The following PLIN5 variants were observed in gnomAD, a reference collection of about 807,000 sequenced individuals.
The protein encoded by PLIN5 is perilipin-5.
In PLIN5, 34 loss-of-function variants were observed where a neutral mutation model predicts 32.8. That is an observed-to-expected ratio of 1.04 (90% confidence interval 0.79 to 1.38). The LOEUF (loss-of-function observed/expected upper bound fraction) is 1.38. Among genes scored for constraint, PLIN5 ranks in the 40% most tolerant of loss-of-function variants. The pLI, the probability that PLIN5 is intolerant of heterozygous loss-of-function variation, is 0.00. For missense variants in PLIN5, 712 were observed against 660.5 expected (o/e 1.08, Z -0.85); for synonymous variants, 309 against 292.9 (o/e 1.05, Z -0.56).
intron 3 of PLIN5, among the ~76,000 whole-genome samples, chr19:4,531,304 TAAA>T (rs78981214): frequency 2.0e-5 from 3 of 149,732 alleles, no homozygotes; most frequent in African/African-American, 7.5e-5. Context: ...CAGCCAGATT[TAAA>T]AAAAAAATTT....
intron 7 of PLIN5, 84 bp from the exon 8 acceptor site, chr19:4,524,169 G>C: frequency 7.6e-7 from 1 of 1,312,640 alleles, no homozygotes; most frequent in East Asian, 3.0e-5. Context: ...TGGACCCACA[G>C]TGGAGCTGTC....
rs1386580458 is a variant in PLIN5 at position 4,531,794 on chromosome 19, G to A, written c.89C>T (p.Pro30Leu). The change falls in exon 3 of 8, where the codon CCC becomes CTC. Residue 30 changes from proline to leucine, a missense_variant. Physicochemically the swap from Pro to Leu is moderately conservative, Grantham distance 98. Coordinates refer to ENST00000381848, the MANE Select transcript of PLIN5 (RefSeq NM_001013706.3). ...CGCGGTGCACGTGGCCCTGACCAGG[G>A]GCAGAGCCACCACACGCTGCACCAC... The part of the protein sequence containing the change: ...QNVVQRVVAL[P>L]LVRATCTAVC... The A allele has an allele frequency of 6.3e-7, 1 of 1,580,208 alleles. No individual in the cohort carries two copies. Among genetic ancestry groups the A allele is most frequent in the East Asian group, 2.3e-5 (1 of 43,578 alleles).
intron 5 of PLIN5, among the ~76,000 whole-genome samples, chr19:4,526,857 C>CA (rs141886356): frequency 0.11 from 14,674 of 138,828 alleles, 1,248 homozygotes; most frequent in African/African-American, 0.22. Flanking sequence ...GACTCCATCT[C>CA]AAAAAAAAAT....
intron 3 of PLIN5, 31 bp from the exon 4 acceptor site, chr19:4,529,897 G>T (rs763719467): frequency 1.3e-6 from 2 of 1,484,228 alleles, no homozygotes; most frequent in Non-Finnish European, 1.9e-6. Context: ...AGTGAGACTC[G>T]GGGAGACGCA....
intron 7 of PLIN5, 53 bp downstream of exon 7, chr19:4,524,910 C>T (rs1190330965): frequency 1.4e-6 from 2 of 1,457,944 alleles, no homozygotes; most frequent in East Asian, 2.7e-5. Flanking sequence ...TCCCCCTCTT[C>T]CTCCGCGGCC....
chr19:4,531,756 A>G lies in PLIN5; in HGVS notation c.127T>C (p.Tyr43His). ...GGGTGCCTGTCCTTGGCTGCACTGT[A>G]AACATCGCAGACCGCGGTGCACGTG... ...RATCTAVCDVYSAAKDRHPLL... is the reference protein window; with the variant it reads ...RATCTAVCDVHSAAKDRHPLL... The change falls in exon 3 of 8, where the codon TAC becomes CAC. Residue 43 changes from tyrosine to histidine, a missense_variant. Tyr to His is a moderately conservative substitution (Grantham distance 83). Coordinates refer to ENST00000381848, the MANE Select transcript of PLIN5 (RefSeq NM_001013706.3). The G allele has an allele frequency of 1.9e-6, 3 of 1,601,354 alleles. No individual in the cohort carries two copies. Among genetic ancestry groups the G allele is most frequent in the Non-Finnish European group, 2.6e-6 (3 of 1,176,316 alleles).
chr19:4,527,029 GA>G (rs1381626341), intron 5 of PLIN5, among the ~76,000 whole-genome samples: 2 of 152,082 alleles, frequency 1.3e-5, no homozygotes, highest in South Asian at 2.1e-4. Context: ...TTGAGCCCAG[GA>G]GTTGGAGACC....
chr19:4,529,619 AC>A, intron 4 of PLIN5, 164 bp downstream of exon 4: 1 of 186,824 alleles, frequency 5.4e-6, no homozygotes, highest in East Asian at 1.1e-4. Context: ...ATACACACAC[AC>A]ACACACACAC....
At chr19:4,533,165 G>C (rs879825487) in intron 2 of PLIN5, 1 of 149,988 alleles carries the variant, frequency 6.7e-6, no homozygotes, top group East Asian at 1.9e-4. Context: ...GCGTGATCTC[G>C]GCTCACTGCA....
chr19:4,523,290 G>A lies in PLIN5; in HGVS notation c.*238C>T. On this transcript the variant is annotated 3_prime_UTR_variant, in exon 8 of 8. Transcript: ENST00000381848. The surrounding 1 kb of genome is among the most constrained non-coding windows in gnomAD (Gnocchi z 5.0). ...AGGACATAGGTGAAGAACCCAGCTT[G>A]TGGCTCAAGTTGGCCTGAATAGGGT... 2.2e-6 allele frequency: 1 copy of A among 455,358 alleles called. No homozygotes were observed. The highest frequency in any genetic ancestry group is 4.2e-5 in the Admixed American group (1 of 23,558). 28.2% of individuals were successfully genotyped at this position (455,358 alleles called of 1,614,324 possible).
At chr19:4,524,888 G>T in intron 7 of PLIN5, 75 bp downstream of exon 7, 1 of 1,297,530 alleles carries the variant, frequency 7.7e-7, no homozygotes, top group South Asian at 1.4e-5. Flanking sequence ...GGGCTGACCC[G>T]CAGTCCGTCG....
chr19:4,533,892 T>C (rs760007358), intron 2 of PLIN5, 123 bp downstream of exon 2: 39 of 1,168,524 alleles, frequency 3.3e-5, no homozygotes, highest in Non-Finnish European at 4.4e-5. Flanking sequence ...CAAAATATTT[T>C]ATGACTCAGG....
chr19:4,525,653 G>A lies in PLIN5; in HGVS notation c.700C>T (p.Leu234=), dbSNP rs1402827292. 5 of 1,613,492 alleles carry A rather than the reference G, an allele frequency of 3.1e-6. No homozygotes were observed. The South Asian group carries it at 4.4e-5, about 14-fold the overall frequency. Residue 234 remains leucine (L), a synonymous_variant, in exon 6 of 8, where the codon CTG becomes TTG. Transcript: ENST00000381848. This position sits in a 1 kb window ranked among gnomAD's most constrained non-coding sequence, Gnocchi z 5.6. The stretch of plus-strand genomic sequence containing the variant: ...CTCACCAGCTCCAGCGTCTCCTGCA[G>A]CTGGGCCAGGGTGTCCTGGGCACGG... ...KHRAQDTLAQ[L]QETLELIDHM...
At chr19:4,529,555 T>C (rs1405122370) in intron 4 of PLIN5, 1 of 512,866 alleles carries the variant, frequency 1.9e-6, no homozygotes, top group Non-Finnish European at 3.5e-6. Context: ...TATATATACA[T>C]ATATACTTAT....
intron 1 of PLIN5, chr19:4,534,309 G>A (rs1976922349): frequency 3.5e-6 from 2 of 577,388 alleles, no homozygotes; most frequent in Non-Finnish European, 6.2e-6. Context: ...GGTTGCCGGA[G>A]TGACTCGAAG....
intron 3 of PLIN5, 42 bp downstream of exon 3, chr19:4,531,585 T>C: frequency 6.9e-7 from 1 of 1,448,818 alleles, no homozygotes; most frequent in Non-Finnish European, 9.1e-7. Context: ...GGTGGGGGGG[T>C]GGCAAGCCAC....
rs191174122 is a variant in PLIN5, at chr19:4,524,213, T to C, written c.835-128A>G. On this transcript the variant is annotated intron_variant, in intron 7 of 7. Coordinates refer to ENST00000381848, the MANE Select transcript of PLIN5 (RefSeq NM_001013706.3). ...TCATAGACCTCATAGTCCTGTCCCC[T>C]GTAGACACAGAATGTGACCCAGCCC... The C allele has an allele frequency of 3.5e-4, 322 of 923,928 alleles. No homozygotes were observed. In the East Asian group the frequency reaches 8.2e-3, roughly 24 times the overall value. 57.2% of individuals were successfully genotyped at this position (923,928 alleles called of 1,614,324 possible). A position where few individuals can be genotyped will look rare whatever the true frequency, so the allele number is the denominator to read the frequency against.
In PLIN5 at chr19:4,524,018, A is replaced by G; in HGVS notation, c.902T>C (p.Leu301Pro). 1 of 1,511,080 alleles carries G rather than the reference A, an allele frequency of 6.6e-7. No individual in the cohort carries two copies. The highest frequency in any genetic ancestry group is 8.8e-7 in the Non-Finnish European group (1 of 1,137,822). 93.6% of individuals were successfully genotyped at this position (1,511,080 alleles called of 1,614,324 possible). The change falls in exon 8 of 8, where the codon CTG becomes CCG. Residue 301 changes from leucine (L) to proline (P), a missense_variant. Transcript: ENST00000381848. ...TQELQGTVEA[L>P]ESSVRGLPAG... ...GGGCAGGCCCCGCACGCTGGACTCC[A>G]GAGCCTCTACCGTGCCCTGCAGCTC... is the stretch of plus-strand genomic sequence containing the variant.
chr19:4,526,086 A>T (rs1181168559), intron 5 of PLIN5, among the ~76,000 whole-genome samples: 1 of 152,174 alleles, frequency 6.6e-6, no homozygotes, highest in Non-Finnish European at 1.5e-5. Context: ...GTCTTCCCCA[A>T]ACCCTAAGAT....
Sources: allele counts gnomAD v4.1 joint callset (sites outside exome capture counted in the v4.1 genomes callset), GRCh38; gene constraint gnomAD v4.1.1; non-coding constraint Gnocchi (gnomAD v3.1); transcripts MANE v1.5; gene names NCBI Gene and HGNC (gene_info 2026-07-23, HGNC 2026-07-21).